The following TRAPPC9 variants were observed in gnomAD, a reference collection of about 807,000 sequenced individuals.
The protein encoded by TRAPPC9 is trafficking protein particle complex subunit 9.
TRAPPC9 carries 83 observed loss-of-function variants against 124.0 expected under a neutral mutation model. That is an observed-to-expected ratio of 0.67 (90% CI 0.56 to 0.80). TRAPPC9 has a LOEUF of 0.80. Among genes scored for constraint, TRAPPC9 ranks in the 30% least tolerant of loss-of-function variants. The pLI is 0.00. For missense variants in TRAPPC9, 1,302 were observed against 1,508.3 expected, an observed-to-expected ratio of 0.86 and a Z score of 2.27; for synonymous variants, 638 against 617.5, an observed-to-expected ratio of 1.03 and a Z score of -0.49.
intron 5 of TRAPPC9, among the ~76,000 whole-genome samples, chr8:140,419,372 T>C (rs2070088189): frequency 7.7e-6 from 1 of 129,610 alleles, no homozygotes; most frequent in African/African-American, 2.9e-5. Flanking sequence ...GAGCTTGCAG[T>C]GAGCTGAGAT....
At chr8:140,148,917 T>G (rs558353483) in intron 17 of TRAPPC9, among the ~76,000 whole-genome samples, 15 of 152,226 alleles carry the variant, frequency 9.9e-5, no homozygotes, top group Non-Finnish European at 2.2e-4. Flanking sequence ...TGCAAATTGT[T>G]AATTTACAGC....
At chr8:140,450,308 C>G (rs2071412077) in intron 2 of TRAPPC9, among the ~76,000 whole-genome samples, 1 of 152,128 alleles carries the variant, frequency 6.6e-6, no homozygotes, top group Admixed American at 6.5e-5. Context: ...TTGCACTGAG[C>G]CAAGATCGCG....
chr8:140,341,779 A>G (rs1032120408), intron 9 of TRAPPC9, among the ~76,000 whole-genome samples: 1 of 152,176 alleles, frequency 6.6e-6, no homozygotes, highest in Non-Finnish European at 1.5e-5. Context: ...AAGGGGGGCT[A>G]GTGCTCCATT....
intron 9 of TRAPPC9, among the ~76,000 whole-genome samples, chr8:140,323,469 C>T (rs1034999367): frequency 1.3e-5 from 2 of 152,078 alleles, no homozygotes; most frequent in African/African-American, 4.8e-5. Context: ...TGGCGGGGAA[C>T]CGTCTCATGG....
chr8:140,397,573 G>GT (rs1563997641), intron 7 of TRAPPC9, 47 bp downstream of exon 7: 1 of 1,610,206 alleles, frequency 6.2e-7, no homozygotes, highest in Non-Finnish European at 8.5e-7. Flanking sequence ...AATCAATTCC[G>GT]TAAGAACTGG....
rs1229358588 is a variant in TRAPPC9 at position 139,825,615 on chromosome 8, G to GA, written c.3055+60263dup. On this transcript the variant is annotated intron_variant, in intron 21 of 22. Transcript: ENST00000438773. This position sits in a 1 kb window ranked among gnomAD's most constrained non-coding sequence, Gnocchi z 4.6. ...ATTTAATTTCCATAGTAAGTTCTGA[G>GA]AAAAAAGTCACTTCCACCCGGGGGA... 6.6e-6 allele frequency among the ~76,000 whole-genome samples: 1 copy of GA among 152,160 alleles called. No homozygotes were observed. Among genetic ancestry groups the GA allele is most frequent in the Non-Finnish European group, 1.5e-5 (1 of 68,016 alleles).
intron 8 of TRAPPC9, among the ~76,000 whole-genome samples, chr8:140,365,704 AG>A (rs1437722661): frequency 2.6e-5 from 4 of 152,374 alleles, no homozygotes; most frequent in African/African-American, 9.6e-5. Flanking sequence ...ACCAAGAAAC[AG>A]AGAAGAAAAT....
intron 17 of TRAPPC9, among the ~76,000 whole-genome samples, chr8:140,051,266 C>T (rs1307632421): frequency 6.6e-6 from 1 of 152,248 alleles, no homozygotes; most frequent in Admixed American, 6.5e-5. Context: ...AGCACCATGA[C>T]CTCAGTGAGC....
chr8:140,037,833 C>T (rs1841004576), intron 17 of TRAPPC9, among the ~76,000 whole-genome samples: 1 of 144,776 alleles, frequency 6.9e-6, no homozygotes, highest in Non-Finnish European at 1.5e-5. Context: ...ATACCCAACA[C>T]ACACCAACAC....
At chr8:140,055,162 C>T (rs1842226535) in intron 17 of TRAPPC9, among the ~76,000 whole-genome samples, 1 of 152,130 alleles carries the variant, frequency 6.6e-6, no homozygotes, top group African/African-American at 2.4e-5. Context: ...AAATCAAATT[C>T]AACAACACAT....
intron 19 of TRAPPC9, among the ~76,000 whole-genome samples, chr8:139,978,583 G>C (rs1337194753): frequency 6.6e-6 from 1 of 152,234 alleles, no homozygotes; most frequent in Non-Finnish European, 1.5e-5. Context: ...AATCCACCGA[G>C]CATTGCTGCT....
At chr8:140,322,652 A>ACC (rs1204965351) in intron 9 of TRAPPC9, among the ~76,000 whole-genome samples, 2 of 147,932 alleles carry the variant, frequency 1.4e-5, no homozygotes, top group Non-Finnish European at 1.5e-5. Context: ...ACGTAGCAAG[A>ACC]CCCCCATCTC....
chr8:140,003,583 C>G (rs1161581342), intron 18 of TRAPPC9, among the ~76,000 whole-genome samples: 1 of 127,452 alleles, frequency 7.8e-6, no homozygotes, highest in Non-Finnish European at 1.6e-5. Context: ...GCCTGGGTGA[C>G]AGAGTGAGAC....
chr8:140,154,132 C>T (rs1158531295), intron 17 of TRAPPC9, among the ~76,000 whole-genome samples: 1 of 152,272 alleles, frequency 6.6e-6, no homozygotes, highest in East Asian at 1.9e-4. Flanking sequence ...CTCTACCTTA[C>T]CTCTGCCAAT....
intron 9 of TRAPPC9, among the ~76,000 whole-genome samples, chr8:140,324,183 G>A (rs1449189989): frequency 2.6e-5 from 4 of 152,050 alleles, no homozygotes; most frequent in Non-Finnish European, 4.4e-5. Context: ...TGAAGACACA[G>A]ACTGAAAATA....
intron 21 of TRAPPC9, among the ~76,000 whole-genome samples, chr8:139,833,822 G>A (rs1305812324): frequency 6.6e-6 from 1 of 152,242 alleles, no homozygotes; most frequent in Non-Finnish European, 1.5e-5. Flanking sequence ...AGCAGGAGGG[G>A]CCGGGAATGA....
chr8:140,016,029 C>A (rs965299029), intron 18 of TRAPPC9, among the ~76,000 whole-genome samples: 1 of 152,224 alleles, frequency 6.6e-6, no homozygotes, highest in African/African-American at 2.4e-5. Flanking sequence ...AACACCTCTC[C>A]TGTTCCTCCC....
chr8:140,107,609 G>A (rs1012563349), intron 17 of TRAPPC9, among the ~76,000 whole-genome samples: 6 of 152,244 alleles, frequency 3.9e-5, no homozygotes, highest in Admixed American at 2.6e-4. Context: ...CCTGAGAATG[G>A]AGGAGGAGAA....
Position 140,275,829 on chromosome 8 carries a change from A to T in TRAPPC9, c.2115-8T>A, listed in dbSNP as rs776596305. On this transcript the variant is annotated splice_polypyrimidine_tract_variant and splice_region_variant and intron_variant, in intron 14 of 22. Coordinates refer to ENST00000438773, the MANE Select transcript of TRAPPC9 (RefSeq NM_001160372.4). Reference sequence around the variant, plus strand: ...TGCAATGAATGTGCAGATCTAAAATAAGAAGAAGAAATTTAAAGAAGAAAG... The same window carrying T: ...TGCAATGAATGTGCAGATCTAAAATTAGAAGAAGAAATTTAAAGAAGAAAG... 1 of 1,606,982 alleles carries T rather than the reference A, an allele frequency of 6.2e-7. No homozygotes were observed. Among genetic ancestry groups the T allele is most frequent in the African/African-American group, 1.3e-5 (1 of 74,694 alleles).
Sources: allele counts gnomAD v4.1 joint callset (sites outside exome capture counted in the v4.1 genomes callset), GRCh38; gene constraint gnomAD v4.1.1; non-coding constraint Gnocchi (gnomAD v3.1); transcripts MANE v1.5; gene names NCBI Gene and HGNC (gene_info 2026-07-23, HGNC 2026-07-21).